DISP1: variants seen among roughly 807,000 people sequenced by gnomAD.
DISP1 encodes the protein dispatched RND transporter family member 1, also known as protein dispatched homolog 1.
In DISP1, 30 loss-of-function variants were observed where a neutral mutation model predicts 37.3. The ratio of observed to expected loss-of-function variants is 0.80; its 90% confidence interval spans 0.60 to 1.09. The LOEUF is 1.09. Ranked by LOEUF, DISP1 falls within the 50% of genes least tolerant of loss-of-function variation. The pLI, the probability that DISP1 is intolerant of heterozygous loss-of-function variation, is 0.00. For missense variants in DISP1, 1,598 were observed against 1,879.5 expected, an observed-to-expected ratio of 0.85 and a Z score of 2.77; for synonymous variants, 634 against 690.2, an observed-to-expected ratio of 0.92 and a Z score of 1.28.
At chr1:222,918,271 A>G (rs1394274612) in intron 1 of DISP1, among the ~76,000 whole-genome samples, 2 of 152,200 alleles carry the variant, frequency 1.3e-5, no homozygotes, top group Non-Finnish European at 2.9e-5. Flanking sequence ...AGAACTGGTT[A>G]CGTTAATTGG....
At chr1:222,951,902 A>C (rs1425556220) in intron 3 of DISP1, among the ~76,000 whole-genome samples, 1 of 152,216 alleles carries the variant, frequency 6.6e-6, no homozygotes, top group Non-Finnish European at 1.5e-5. Context: ...ACAGAAGTTA[A>C]ATACCAGTGC....
At chr1:222,957,846 T>C (rs1397489893) in intron 3 of DISP1, among the ~76,000 whole-genome samples, 1 of 152,214 alleles carries the variant, frequency 6.6e-6, no homozygotes, top group Non-Finnish European at 1.5e-5. Flanking sequence ...GACCAGGCTA[T>C]AGTAAGAGAA....
intron 2 of DISP1, among the ~76,000 whole-genome samples, chr1:222,939,354 AATTTT>A (rs1365504930): frequency 2.3e-4 from 31 of 134,682 alleles, no homozygotes; most frequent in African/African-American, 8.9e-4. Flanking sequence ...GAAGAAAAAT[AATTTT>A]TTTTTTTTTT....
At chr1:222,866,323 T>TTTG (rs34788109) in intron 1 of DISP1, among the ~76,000 whole-genome samples, 55,874 of 149,600 alleles carry the variant, frequency 0.37, 10,519 homozygotes, top group South Asian at 0.49. Flanking sequence ...CCGGGATAGT[T>TTTG]TTGTTGTTGT....
At chr1:223,000,285 T>A (rs1055625202) in intron 8 of DISP1, among the ~76,000 whole-genome samples, 3 of 152,182 alleles carry the variant, frequency 2.0e-5, no homozygotes, top group African/African-American at 7.2e-5. Context: ...GTATGTTACG[T>A]CTTTGTAAGG....
At chr1:222,947,185 C>A (rs892605599) in intron 3 of DISP1, among the ~76,000 whole-genome samples, 2 of 152,068 alleles carry the variant, frequency 1.3e-5, no homozygotes, top group African/African-American at 4.8e-5. Flanking sequence ...TCTGCCTGCC[C>A]CTGGAAACCA....
At chr1:222,918,070 C>T (rs1672594215) in intron 1 of DISP1, among the ~76,000 whole-genome samples, 1 of 152,164 alleles carries the variant, frequency 6.6e-6, no homozygotes, top group Admixed American at 6.5e-5. Flanking sequence ...CTAATCAATG[C>T]CATTCAAAAT....
At chr1:222,879,730 C>G (rs1055546758) in intron 1 of DISP1, among the ~76,000 whole-genome samples, 5 of 152,010 alleles carry the variant, frequency 3.3e-5, no homozygotes, top group Non-Finnish European at 7.4e-5. Context: ...AGACCAAAGT[C>G]TTAATGGGCA....
chr1:223,001,668 C>G (rs1679456054), intron 8 of DISP1, among the ~76,000 whole-genome samples: 1 of 152,136 alleles, frequency 6.6e-6, no homozygotes, highest in Non-Finnish European at 1.5e-5. Flanking sequence ...AGGACCTGTT[C>G]CTCATAGATG....
chr1:222,984,437 G>T (rs78923631), intron 4 of DISP1, among the ~76,000 whole-genome samples: 26,501 of 103,030 alleles, frequency 0.26, 4,045 homozygotes, highest in East Asian at 0.54. Context: ...TATATATATA[G>T]AGAGAGAGAG....
intron 5 of DISP1, 47 bp from the exon 6 acceptor site, chr1:222,991,473 T>G: frequency 6.2e-7 from 1 of 1,612,042 alleles, no homozygotes; most frequent in Non-Finnish European, 8.5e-7. Context: ...TAACTGTACT[T>G]AGCCTGAAAT....
intron 1 of DISP1, among the ~76,000 whole-genome samples, chr1:222,914,617 G>C (rs1672390392): frequency 6.6e-6 from 1 of 151,988 alleles, no homozygotes; most frequent in African/African-American, 2.4e-5. Context: ...GATATGGTGA[G>C]AGATCTTGTA....
intron 2 of DISP1, among the ~76,000 whole-genome samples, chr1:222,936,892 T>A (rs1314989896): frequency 1.1e-5 from 1 of 87,334 alleles, no homozygotes; most frequent in Non-Finnish European, 2.0e-5. Context: ...ATATATAATA[T>A]ATTATTTATA....
intron 1 of DISP1, among the ~76,000 whole-genome samples, chr1:222,855,103 A>G (rs1668477157): frequency 6.6e-6 from 1 of 152,120 alleles, no homozygotes; most frequent in Non-Finnish European, 1.5e-5. Context: ...GAATATAATA[A>G]ATTAGCTTTT....
At chr1:222,875,975 G>GA (rs5781287) in intron 1 of DISP1, among the ~76,000 whole-genome samples, 16,924 of 142,476 alleles carry the variant, frequency 0.12, 1,289 homozygotes, top group Non-Finnish European at 0.16. Context: ...AAATTTTCCT[G>GA]AAAAAAAAAA....
intron 1 of DISP1, among the ~76,000 whole-genome samples, chr1:222,871,941 T>A (rs1430713064): frequency 6.6e-6 from 1 of 152,194 alleles, no homozygotes; most frequent in Non-Finnish European, 1.5e-5. Flanking sequence ...AGATAGCTCT[T>A]ATTATTTTGA....
intron 3 of DISP1, among the ~76,000 whole-genome samples, chr1:222,951,758 G>T (rs1284434568): frequency 6.6e-6 from 1 of 152,192 alleles, no homozygotes; most frequent in Admixed American, 6.5e-5. Context: ...TGCAAAGTCT[G>T]GTTCCTGACT....
chr1:222,940,271 A>G (rs1397613525), intron 2 of DISP1, among the ~76,000 whole-genome samples: 10 of 152,188 alleles, frequency 6.6e-5, no homozygotes, highest in African/African-American at 1.7e-4. Flanking sequence ...GAAATTCACA[A>G]TCATGGCAGA....
chr1:223,005,807 G>C lies in DISP1; in HGVS notation c.4410G>C (p.Glu1470Asp), dbSNP rs1558088274. 3 of 1,614,216 alleles carry C rather than the reference G, an allele frequency of 1.9e-6. No homozygotes were observed. Among genetic ancestry groups the C allele is most frequent in the Non-Finnish European group, 2.5e-6 (3 of 1,180,058 alleles). Reference sequence around the variant, plus strand: ...TCCTATTTAATCATTTAATGGGGGAGGCTGGTTGTAGGTCTTGCCCAAATA... The same window carrying C: ...TCCTATTTAATCATTTAATGGGGGACGCTGGTTGTAGGTCTTGCCCAAATA... ...PKVLFNHLMG[E>D]AGCRSCPNNS... The change falls in exon 9 of 9, where the codon GAG becomes GAC. Residue 1470 changes from glutamate (E) to aspartate (D), a missense_variant. By Grantham distance (45) the Glu-to-Asp change is conservative (BLOSUM62 2). Coordinates refer to ENST00000675850, the MANE Select transcript of DISP1 (RefSeq NM_001377229.1).
Sources: gnomAD v4.1 joint callset for allele counts (sites outside exome capture counted in the v4.1 genomes callset) on GRCh38, gnomAD v4.1.1 for gene constraint, MANE v1.5 for transcripts, NCBI Gene and HGNC (gene_info 2026-07-23, HGNC 2026-07-21) for gene names.